Variants in FYB2 observed in about 807,000 individuals in gnomAD.
FYB2 encodes FYN binding protein 2.
A neutral mutation model predicts 94.1 loss-of-function variants in FYB2; 103 were observed. The observed-to-expected ratio is 1.09, with a 90% CI of 0.93 to 1.29. The LOEUF (loss-of-function observed/expected upper bound fraction) is 1.29, where lower values mean the gene tolerates loss of function less well. Among genes scored for constraint, FYB2 ranks in the 50% most tolerant of loss-of-function variants. FYB2 has a pLI of 0.00. For missense variants in FYB2, 896 were observed against 841.5 expected, an observed-to-expected ratio of 1.06 and a Z score of -0.80; for synonymous variants, 293 against 287.9, an observed-to-expected ratio of 1.02 and a Z score of -0.18.
chr1:56,754,256 CT>C, intron 7 of FYB2, among the ~76,000 whole-genome samples: 1 of 152,042 alleles, frequency 6.6e-6, no homozygotes, highest in Non-Finnish European at 1.5e-5. Context: ...TTTACCTCCA[CT>C]TTGGCTTGAG....
At chr1:56,789,391 T>C (rs896726134) in intron 2 of FYB2, among the ~76,000 whole-genome samples, 1 of 152,226 alleles carries the variant, frequency 6.6e-6, no homozygotes, top group Non-Finnish European at 1.5e-5. Context: ...GATTCTTTGT[T>C]TGGCATATTA....
In FYB2 at chr1:56,819,306, C is replaced by G. The variant is rs1557680671; in HGVS notation, c.-16G>C. 4 of 1,614,202 alleles carry G rather than the reference C, an allele frequency of 2.5e-6. No homozygotes were observed. The highest frequency in any genetic ancestry group is 3.4e-6 in the Non-Finnish European group (4 of 1,180,038). ...CCCCTTCCATTGCTTTCCTCCAAGG[C>G]AGAGTCAGGGAAACAAGCCCAGCCT... On this transcript the variant is annotated 5_prime_UTR_variant, in exon 1 of 20. Coordinates refer to ENST00000343433, the MANE Select transcript of FYB2 (RefSeq NM_001004303.5).
At chr1:56,765,662 C>T (rs1461529384) in intron 5 of FYB2, among the ~76,000 whole-genome samples, 1 of 152,174 alleles carries the variant, frequency 6.6e-6, no homozygotes, top group African/African-American at 2.4e-5. Flanking sequence ...TGTTGTTGTG[C>T]CCACTGGTGT....
chr1:56,754,345 C>T (rs1025480570), intron 7 of FYB2, among the ~76,000 whole-genome samples: 1 of 151,972 alleles, frequency 6.6e-6, no homozygotes, highest in East Asian at 1.9e-4. Flanking sequence ...TTTAGACATG[C>T]CTTCCACATC....
intron 9 of FYB2, among the ~76,000 whole-genome samples, chr1:56,746,901 C>A (rs1485570761): frequency 6.6e-6 from 1 of 152,004 alleles, no homozygotes; most frequent in Non-Finnish European, 1.5e-5. Flanking sequence ...TCCCAGCTTA[C>A]AATCTCCACA....
intron 4 of FYB2, among the ~76,000 whole-genome samples, chr1:56,784,841 T>C (rs950720207): frequency 6.6e-6 from 1 of 152,046 alleles, no homozygotes; most frequent in African/African-American, 2.4e-5. Flanking sequence ...CAGGGAACAA[T>C]ACCCTGCCTT....
At chr1:56,749,253 A>G (rs1194141679) in intron 9 of FYB2, among the ~76,000 whole-genome samples, 2 of 151,824 alleles carry the variant, frequency 1.3e-5, no homozygotes, top group East Asian at 3.9e-4. Flanking sequence ...CTCAGATAGT[A>G]TTTGTTTTAT....
chr1:56,778,962 G>A (rs775310052), intron 4 of FYB2, among the ~76,000 whole-genome samples: 2 of 152,112 alleles, frequency 1.3e-5, no homozygotes. Context: ...TGCATGACGA[G>A]AAGGAGCCAT....
chr1:56,820,566 G>A (rs60932560), upstream of FYB2, among the ~76,000 whole-genome samples: 35,141 of 152,092 alleles, frequency 0.23, 4,255 homozygotes, highest in Middle Eastern at 0.29. Flanking sequence ...AGGGAGAGGC[G>A]GGGTGGAGCA....
chr1:56,788,937 G>T (rs1646194815), intron 3 of FYB2, 36 bp downstream of exon 3: 1 of 1,612,516 alleles, frequency 6.2e-7, no homozygotes, highest in Non-Finnish European at 8.5e-7. Context: ...GGTGACTCCT[G>T]GTTGGCCTTG....
chr1:56,744,376 G>C, intron 9 of FYB2, 110 bp from the exon 10 acceptor site: 1 of 752,436 alleles, frequency 1.3e-6, no homozygotes, highest in South Asian at 1.6e-5. Flanking sequence ...AGATTAAATG[G>C]GCTAAAATTG....
chr1:56,800,199 A>G (rs1646488271), intron 1 of FYB2, among the ~76,000 whole-genome samples: 1 of 152,202 alleles, frequency 6.6e-6, no homozygotes, highest in Non-Finnish European at 1.5e-5. Context: ...GCCCAGGAAG[A>G]GAGGCAGTAG....
At chr1:56,763,493 A>C (rs1645548624) in intron 5 of FYB2, among the ~76,000 whole-genome samples, 1 of 152,122 alleles carries the variant, frequency 6.6e-6, no homozygotes, top group African/African-American at 2.4e-5. Context: ...GTGCTTTTTG[A>C]GGAATTGTTC....
chr1:56,719,838 G>T, intron 19 of FYB2, 146 bp from the exon 20 acceptor site: 1 of 1,013,480 alleles, frequency 9.9e-7, no homozygotes, highest in Non-Finnish European at 1.4e-6. Context: ...AAGTTTGATA[G>T]CATACTCAGG....
In FYB2 at chr1:56,767,938, C is replaced by A; in HGVS notation, c.954G>T (p.Arg318Ser). The A allele has an allele frequency of 6.3e-7, 1 of 1,577,802 alleles. No homozygotes were observed. Among genetic ancestry groups the A allele is most frequent in the Non-Finnish European group, 8.6e-7 (1 of 1,163,904 alleles). The change falls in exon 5 of 20, where the codon AGG becomes AGT. Residue 318 changes from arginine to serine, a missense_variant and splice_region_variant. Coordinates refer to ENST00000343433, the MANE Select transcript of FYB2 (RefSeq NM_001004303.5). ...GTTCTTCAAATTCTGCATTGAAAAG[C>A]CTGGAGAAAAAAGGGTTACTTAAAA... Reference protein sequence around the residue: ...TVEEGSLSPERLFNAEFEEPH... With the variant: ...TVEEGSLSPESLFNAEFEEPH...
chr1:56,748,199 C>G lies in FYB2; in HGVS notation c.1387+2845G>C, dbSNP rs1645112395. ...AATTCCCTCTCATTCTGAAGGTTGC[C>G]TGTTCACTCTGATGATAGTTGCTTT... is the stretch of plus-strand genomic sequence containing the variant. On this transcript the variant is annotated intron_variant, in intron 9 of 19. Transcript: ENST00000343433. Among the ~76,000 whole-genome samples, 3 of 152,074 alleles carry G rather than the reference C, an allele frequency of 2.0e-5. No homozygotes were observed. In the South Asian group the frequency reaches 6.2e-4, roughly 31 times the overall value.
At chr1:56,739,538 G>A (rs959759535) in intron 13 of FYB2, among the ~76,000 whole-genome samples, 11 of 151,908 alleles carry the variant, frequency 7.2e-5, no homozygotes, top group African/African-American at 2.7e-4. Context: ...AATTACCTTG[G>A]GCAAATTATT....
intron 5 of FYB2, among the ~76,000 whole-genome samples, chr1:56,760,249 CCT>C (rs1368573067): frequency 1.3e-5 from 2 of 152,038 alleles, no homozygotes; most frequent in Admixed American, 6.6e-5. Flanking sequence ...AGGACTCCTC[CCT>C]CTGTTTTTCT....
At chr1:56,812,611 C>A (rs1646791925) in intron 1 of FYB2, among the ~76,000 whole-genome samples, 1 of 152,138 alleles carries the variant, frequency 6.6e-6, no homozygotes, top group African/African-American at 2.4e-5. Context: ...CTTTAAAAAT[C>A]TCCCCAGGGG....
Sources: allele counts gnomAD v4.1 joint callset (sites outside exome capture counted in the v4.1 genomes callset), GRCh38; gene constraint gnomAD v4.1.1; transcripts MANE v1.5; gene names NCBI Gene and HGNC (gene_info 2026-07-23, HGNC 2026-07-21).